Variants in IL7R observed in about 807,000 individuals in gnomAD.
IL7R encodes interleukin 7 receptor, also known as interleukin-7 receptor subunit alpha.
In IL7R, 38 loss-of-function variants were observed where a neutral mutation model predicts 47.0. That is an observed-to-expected ratio of 0.81 (90% CI 0.62 to 1.06). IL7R has a LOEUF of 1.06. Among genes scored for constraint, IL7R ranks in the 50% least tolerant of loss-of-function variants. The pLI is 0.00. For missense variants in IL7R, 633 were observed against 534.8 expected, an observed-to-expected ratio of 1.18 and a Z score of -1.81; for synonymous variants, 221 against 199.8, an observed-to-expected ratio of 1.11 and a Z score of -0.89.
intron 4 of IL7R, among the ~76,000 whole-genome samples, chr5:35,871,804 G>A (rs1271552124): frequency 6.6e-6 from 1 of 152,180 alleles, no homozygotes; most frequent in Non-Finnish European, 1.5e-5. Flanking sequence ...TTATTTTGGG[G>A]AGGAGGTGGC....
intron 4 of IL7R, among the ~76,000 whole-genome samples, chr5:35,871,814 C>A (rs1760080953): frequency 6.6e-6 from 1 of 152,130 alleles, no homozygotes; most frequent in Non-Finnish European, 1.5e-5. Context: ...GAGGAGGTGG[C>A]AGAAGAGTGG....
rs770563855 is a variant in IL7R, at chr5:35,857,061, TG to T, written c.82+3del. 1 of 1,578,576 alleles carries T rather than the reference TG, an allele frequency of 6.3e-7. No homozygotes were observed. Among genetic ancestry groups the T allele is most frequent in the Non-Finnish European group, 8.7e-7 (1 of 1,148,160 alleles). ...GAGAAAGTGGCTATGCTCAAAATGG[TG>T]AGTCATTTCTAAGTTTTCTTATGGA... On this transcript the variant is annotated splice_donor_region_variant and intron_variant, in intron 1 of 7. Transcript: ENST00000303115.
At chr5:35,875,647 A>G in intron 7 of IL7R, 60 bp downstream of exon 7, 1 of 1,228,774 alleles carries the variant, frequency 8.1e-7, no homozygotes, top group Non-Finnish European at 1.2e-6. Context: ...GCCAAGAATG[A>G]TATTCCAGGA....
intron 4 of IL7R, 99 bp downstream of exon 4, chr5:35,871,312 G>A (rs907814647): frequency 1.0e-6 from 1 of 985,554 alleles, no homozygotes; most frequent in African/African-American, 1.6e-5. Flanking sequence ...CAACAATTTT[G>A]CTTTCAAAAT....
chr5:35,869,767 C>T (rs2149900728), intron 3 of IL7R, among the ~76,000 whole-genome samples: 1 of 152,316 alleles, frequency 6.6e-6, no homozygotes, highest in East Asian at 1.9e-4. Flanking sequence ...CCAGCATTCT[C>T]TGTTCGGCTG....
At chr5:35,859,237 T>A (rs1258208449) in intron 1 of IL7R, among the ~76,000 whole-genome samples, 1 of 152,182 alleles carries the variant, frequency 6.6e-6, no homozygotes, top group Non-Finnish European at 1.5e-5. Context: ...TAGAGTGTGC[T>A]GTCTCTATTG....
At chr5:35,868,255 A>G (rs777949912) in intron 3 of IL7R, among the ~76,000 whole-genome samples, 16 of 152,146 alleles carry the variant, frequency 1.1e-4, no homozygotes, top group Non-Finnish European at 1.6e-4. Context: ...AATGTTAACC[A>G]TGTCTTAAAA....
chr5:35,871,252 G>T (rs1229879371), intron 4 of IL7R, 39 bp downstream of exon 4: 2 of 1,544,500 alleles, frequency 1.3e-6, no homozygotes, highest in South Asian at 2.3e-5. Context: ...AAAAACTTAT[G>T]AATGTTTTCT....
At position 35,877,141 on chromosome 5, in the gene IL7R, T is replaced by TAACA. The variant is rs1937062830; in HGVS notation, c.*656_*659dup. On this transcript the variant is annotated 3_prime_UTR_variant, in exon 8 of 8. Transcript: ENST00000303115. The stretch of plus-strand genomic sequence containing the variant: ...ATTCTTGAGTGCCAAACGTCACTAG[T>TAACA]AACAGGGTGTGCCTAGATAATTTAT... 1 of 233,668 alleles carries TAACA rather than the reference T, an allele frequency of 4.3e-6. No individual in the cohort carries two copies. The highest frequency in any genetic ancestry group is 8.4e-6 in the Non-Finnish European group (1 of 118,482). 14.5% of individuals were successfully genotyped at this position (233,668 alleles called of 1,614,324 possible).
In IL7R at chr5:35,876,202, T is replaced by C. The variant is rs201671392; in HGVS notation, c.1096T>C (p.Ser366Pro). 719 of 1,614,138 alleles carry C rather than the reference T, an allele frequency of 4.5e-4. No individual in the cohort carries two copies. Among genetic ancestry groups the C allele is most frequent in the Non-Finnish European group, 5.9e-4 (694 of 1,180,010 alleles). Reference sequence around the variant, plus strand: ...TCCAGAAAGCTTTGGAAGAGATTCATCCCTCACATGCCTGGCTGGGAATGT... The same window carrying C: ...TCCAGAAAGCTTTGGAAGAGATTCACCCCTCACATGCCTGGCTGGGAATGT... ...ITPESFGRDS[S>P]LTCLAGNVSA... The change falls in exon 8 of 8, where the codon TCC becomes CCC. Residue 366 changes from serine (S) to proline (P), a missense_variant. By Grantham distance (74) the Ser-to-Pro change is moderately conservative. Coordinates refer to ENST00000303115, the MANE Select transcript of IL7R (RefSeq NM_002185.5).
Position 35,874,471 on chromosome 5 carries a change from A to C in IL7R, c.729A>C (p.Leu243=). 1 of 1,612,320 alleles carries C rather than the reference A, an allele frequency of 6.2e-7. No homozygotes were observed. Among genetic ancestry groups the C allele is most frequent in the South Asian group, 1.1e-5 (1 of 91,050 alleles). The change falls in exon 6 of 8, where the codon CTA becomes CTC. Residue 243 remains leucine, a synonymous_variant. Coordinates refer to ENST00000303115, the MANE Select transcript of IL7R (RefSeq NM_002185.5). ...NSSGEMDPIL[L]TISILSFFSV... ...CAGGGGAGATGGATCCTATCTTACT[A>C]ACCATCAGCATTTTGAGTTTTTTCT...
In IL7R at chr5:35,860,998, A is replaced by T. The variant is rs756108827; in HGVS notation, c.221+8A>T. On this transcript the variant is annotated splice_region_variant and intron_variant, in intron 2 of 7. Transcript: ENST00000303115. ...TCTGGAATTTGAAATATGGTGAGGG[A>T]TGGTGGTTTTAATGGTTGCTTAGAC... 6.2e-7 allele frequency: 1 copy of T among 1,613,148 alleles called. No individual in the cohort carries two copies. The highest frequency in any genetic ancestry group is 2.2e-5 in the East Asian group (1 of 44,872).
At chr5:35,869,792 C>T (rs994965916) in intron 3 of IL7R, among the ~76,000 whole-genome samples, 3 of 152,194 alleles carry the variant, frequency 2.0e-5, no homozygotes, top group Non-Finnish European at 4.4e-5. Context: ...CCACCCACTG[C>T]CTTTCCTCCT....
At chr5:35,873,321 G>A in intron 4 of IL7R, 159 bp from the exon 5 acceptor site, 1 of 693,700 alleles carries the variant, frequency 1.4e-6, no homozygotes, top group South Asian at 1.6e-5. Flanking sequence ...TAATTTTGCT[G>A]TTGACTCCTT....
At chr5:35,875,483 C>T (rs775669367) in intron 6 of IL7R, 29 bp from the exon 7 acceptor site, 2 of 1,515,330 alleles carry the variant, frequency 1.3e-6, no homozygotes, top group Non-Finnish European at 1.8e-6. Context: ...CTGCCATTCA[C>T]TTCATCTATC....
rs1760200830 is a variant in IL7R at position 35,876,102 on chromosome 5, A to G, written c.996A>G (p.Leu332=). The change falls in exon 8 of 8, where the codon CTA becomes CTG. Residue 332 remains leucine (L), a synonymous_variant. Coordinates refer to ENST00000303115, the MANE Select transcript of IL7R (RefSeq NM_002185.5). The stretch of plus-strand genomic sequence containing the variant: ...TGCAAGATACGTTTCCTCAGCAACT[A>G]GAAGAATCTGAGAAGCAGAGGCTTG... ...GFLQDTFPQQ[L]EESEKQRLGG... 6.2e-7 allele frequency: 1 copy of G among 1,614,216 alleles called. No individual in the cohort carries two copies. The highest frequency in any genetic ancestry group is 8.5e-7 in the Non-Finnish European group (1 of 1,180,024).
At position 35,877,149 on chromosome 5, in the gene IL7R, T is replaced by A. The variant is rs763740085; in HGVS notation, c.*663T>A. 11 of 233,430 alleles carry A rather than the reference T, an allele frequency of 4.7e-5. No individual in the cohort carries two copies. The highest frequency in any genetic ancestry group is 1.2e-3 in the Middle Eastern group (1 of 808). 14.5% of individuals were successfully genotyped at this position (233,430 alleles called of 1,614,324 possible). A position where few individuals can be genotyped will look rare whatever the true frequency, so the allele number is the denominator to read the frequency against. On this transcript the variant is annotated 3_prime_UTR_variant, in exon 8 of 8. Transcript: ENST00000303115. ...GTGCCAAACGTCACTAGTAACAGGG[T>A]GTGCCTAGATAATTTATGATCCAAA...
chr5:35,872,539 C>T (rs1760095810), intron 4 of IL7R, among the ~76,000 whole-genome samples: 1 of 151,514 alleles, frequency 6.6e-6, no homozygotes, highest in Admixed American at 6.6e-5. Flanking sequence ...AATGCCTAGC[C>T]ACCTTCATAT....
intron 1 of IL7R, among the ~76,000 whole-genome samples, chr5:35,857,683 T>C (rs1428185943): frequency 6.6e-6 from 1 of 152,150 alleles, no homozygotes; most frequent in African/African-American, 2.4e-5. Context: ...CTGAATTGCC[T>C]CCACACCAAC....
Sources: gnomAD v4.1 joint callset for allele counts (sites outside exome capture counted in the v4.1 genomes callset) on GRCh38, gnomAD v4.1.1 for gene constraint, MANE v1.5 for transcripts, NCBI Gene and HGNC (gene_info 2026-07-23, HGNC 2026-07-21) for gene names.